Variants in RAB10 observed in about 807,000 individuals in gnomAD.
RAB10 encodes ras-related protein Rab-10.
RAB10 carries 5 observed loss-of-function variants against 25.7 expected under a neutral mutation model. The observed-to-expected ratio is 0.19, with a 90% CI of 0.10 to 0.41. RAB10 has a LOEUF of 0.41. Ranked by LOEUF, RAB10 falls within the 10% of genes least tolerant of loss-of-function variation. The pLI is 1.00. For missense variants in RAB10, 103 were observed against 245.8 expected (o/e 0.42, Z 3.89); for synonymous variants, 89 against 86.4 (o/e 1.03, Z -0.16).
At chr2:26,094,389 TTAC>T (rs60382627) in intron 1 of RAB10, among the ~76,000 whole-genome samples, 1,948 of 151,378 alleles carry the variant, frequency 0.013, 29 homozygotes, top group South Asian at 0.039. Flanking sequence ...GTAGCTGGGA[TTAC>T]AGGCGCCCAC....
rs764606308 is a variant in RAB10 at position 26,094,356 on chromosome 2, A to G, written c.128-4306A>G. ...AACCTCCACCTCCCGGGTTCAAGCA[A>G]TTCCCCTATCTCAGCCTCCCAAGTA... is the stretch of plus-strand genomic sequence containing the variant. On this transcript the variant is annotated intron_variant, in intron 1 of 5. Transcript: ENST00000264710. Among the ~76,000 whole-genome samples the G allele has an allele frequency of 2.0e-5, 3 of 151,512 alleles. No individual in the cohort carries two copies. In the East Asian group the frequency reaches 5.8e-4, roughly 29 times the overall value.
chr2:26,093,212 C>G (rs1574548571), intron 1 of RAB10, among the ~76,000 whole-genome samples: 1 of 152,172 alleles, frequency 6.6e-6, no homozygotes, highest in African/African-American at 2.4e-5. Flanking sequence ...ATTTCCCTAC[C>G]CCAGGACCTC....
intron 2 of RAB10, among the ~76,000 whole-genome samples, chr2:26,099,383 A>G (rs548948534): frequency 1.2e-4 from 18 of 152,152 alleles, no homozygotes; most frequent in Non-Finnish European, 2.1e-4. Context: ...TAAAACAATC[A>G]CCAGTCAAGA....
At chr2:26,131,386 T>TC (rs1156921707) in intron 5 of RAB10, among the ~76,000 whole-genome samples, 2 of 152,180 alleles carry the variant, frequency 1.3e-5, no homozygotes, top group Non-Finnish European at 2.9e-5. Flanking sequence ...TCTAGAGTTT[T>TC]CCCCAAGTAA....
At chr2:26,106,604 G>A (rs1381370030) in intron 2 of RAB10, among the ~76,000 whole-genome samples, 1 of 152,208 alleles carries the variant, frequency 6.6e-6, no homozygotes, top group Non-Finnish European at 1.5e-5. Flanking sequence ...ACCATAAGGT[G>A]GCCGGGCACG....
At chr2:26,059,231 A>C (rs1463042188) in intron 1 of RAB10, among the ~76,000 whole-genome samples, 1 of 152,236 alleles carries the variant, frequency 6.6e-6, no homozygotes, top group Non-Finnish European at 1.5e-5. Flanking sequence ...AGGAGCCCCA[A>C]CAAACTTAAA....
At chr2:26,132,275 C>T (rs984808148) in intron 5 of RAB10, among the ~76,000 whole-genome samples, 5 of 152,154 alleles carry the variant, frequency 3.3e-5, no homozygotes, top group Non-Finnish European at 4.4e-5. Flanking sequence ...TGTTTTGAGA[C>T]GGAATTTTGC....
intron 3 of RAB10, among the ~76,000 whole-genome samples, chr2:26,125,556 T>G (rs1342149534): frequency 6.6e-6 from 1 of 151,586 alleles, no homozygotes; most frequent in Non-Finnish European, 1.5e-5. Flanking sequence ...CTCAAGTGAT[T>G]CTCCTACCAC....
chr2:26,095,392 G>T (rs1574549548), intron 1 of RAB10, among the ~76,000 whole-genome samples: 1 of 152,156 alleles, frequency 6.6e-6, no homozygotes, highest in Non-Finnish European at 1.5e-5. Context: ...CGGATCACGA[G>T]ATCAGGAGAT....
chr2:26,127,856 A>G lies in RAB10; in HGVS notation c.424A>G (p.Arg142Gly). The G allele has an allele frequency of 6.3e-7, 1 of 1,598,662 alleles. No individual in the cohort carries two copies. The highest frequency in any genetic ancestry group is 8.6e-7 in the Non-Finnish European group (1 of 1,165,952). ...TATTTTGTTTCTGTTTTAGATTGCAAGGGAGCATGGTATTAGGTTTTTTGA... is the reference window on the plus strand; with the variant it reads ...TATTTTGTTTCTGTTTTAGATTGCAGGGGAGCATGGTATTAGGTTTTTTGA... ...VPKGKGEQIA[R>G]EHGIRFFETS... The change falls in exon 5 of 6, where the codon AGG (arginine) becomes GGG (glycine). Residue 142 changes from arginine (R) to glycine (G), a missense_variant. Physicochemically the swap from Arg to Gly is moderately radical, Grantham distance 125 (BLOSUM62 -2). This residue lies in a region of RAB10 where 79 missense variants were observed against 217.8 expected (regional missense o/e 0.36). Coordinates refer to ENST00000264710, the MANE Select transcript of RAB10 (RefSeq NM_016131.5).
intron 3 of RAB10, among the ~76,000 whole-genome samples, chr2:26,124,296 C>G (rs1428918324): frequency 1.3e-5 from 2 of 149,242 alleles, no homozygotes; most frequent in Non-Finnish European, 3.0e-5. Flanking sequence ...TTATAACTTT[C>G]CTAGTTTTTT....
At chr2:26,130,770 G>A (rs1338223985) in intron 5 of RAB10, among the ~76,000 whole-genome samples, 1 of 151,986 alleles carries the variant, frequency 6.6e-6, no homozygotes, top group African/African-American at 2.4e-5. Context: ...TTAAATGAAG[G>A]GAATAAAAGA....
intron 1 of RAB10, among the ~76,000 whole-genome samples, chr2:26,094,892 T>A (rs907639196): frequency 6.6e-6 from 1 of 152,204 alleles, no homozygotes; most frequent in Non-Finnish European, 1.5e-5. Context: ...TAAGTAATTA[T>A]TGCATTTGAA....
At chr2:26,052,885 C>G (rs1444515853) in intron 1 of RAB10, among the ~76,000 whole-genome samples, 1 of 152,048 alleles carries the variant, frequency 6.6e-6, no homozygotes, top group African/African-American at 2.4e-5. Flanking sequence ...TATATACACC[C>G]CTCACTTTCT....
chr2:26,039,142 C>T (rs1036907097), intron 1 of RAB10, among the ~76,000 whole-genome samples: 3 of 151,524 alleles, frequency 2.0e-5, no homozygotes, highest in African/African-American at 7.3e-5. Context: ...GCCTCAGCCT[C>T]CCAGGTACCT....
At chr2:26,113,743 TAAAA>T (rs56063928) in intron 3 of RAB10, among the ~76,000 whole-genome samples, 7 of 125,604 alleles carry the variant, frequency 5.6e-5, no homozygotes, top group African/African-American at 5.9e-5. Flanking sequence ...CAGCCAGAGC[TAAAA>T]AAAAAAAAAA....
intron 1 of RAB10, among the ~76,000 whole-genome samples, chr2:26,038,967 C>A (rs1000652876): frequency 3.3e-5 from 5 of 149,494 alleles, no homozygotes; most frequent in African/African-American, 9.8e-5. Context: ...TTAACCAGTG[C>A]CGTTCAAAAG....
At chr2:26,086,993 A>G (rs779643824) in intron 1 of RAB10, among the ~76,000 whole-genome samples, 2 of 152,162 alleles carry the variant, frequency 1.3e-5, no homozygotes, top group Non-Finnish European at 2.9e-5. Context: ...AAGCTGCTGA[A>G]TGGATATGGG....
intron 1 of RAB10, among the ~76,000 whole-genome samples, chr2:26,092,558 CAAG>C (rs1174914036): frequency 5.9e-5 from 9 of 152,062 alleles, no homozygotes; most frequent in African/African-American, 2.2e-4. Context: ...GAGGGAAACT[CAAG>C]GAGTCCAAAA....
Sources: allele counts gnomAD v4.1 joint callset (sites outside exome capture counted in the v4.1 genomes callset), GRCh38; gene constraint gnomAD v4.1.1; regional missense constraint gnomAD v4.1.1; transcripts MANE v1.5; gene names NCBI Gene and HGNC (gene_info 2026-07-23, HGNC 2026-07-21).